The following ABCA12 variants were observed in gnomAD, a reference collection of about 807,000 sequenced individuals.
The protein encoded by ABCA12 is glucosylceramide transporter ABCA12.
Under a neutral mutation model 293.5 loss-of-function variants are expected in ABCA12, and 156 were observed. The observed-to-expected ratio is 0.53, with a 90% CI of 0.47 to 0.61. The LOEUF (loss-of-function observed/expected upper bound fraction) is 0.61. ABCA12 is among the 20% of genes least tolerant of loss of function. The pLI, the probability that ABCA12 is intolerant of heterozygous loss-of-function variation, is 0.00. For missense variants in ABCA12, 2,797 were observed against 3,090.2 expected, an observed-to-expected ratio of 0.91 and a Z score of 2.25; for synonymous variants, 1,063 against 1,108.0, an observed-to-expected ratio of 0.96 and a Z score of 0.81.
chr2:215,109,072 A>T (rs1702519022), intron 2 of ABCA12, among the ~76,000 whole-genome samples: 1 of 152,124 alleles, frequency 6.6e-6, no homozygotes, highest in African/African-American at 2.4e-5. Flanking sequence ...CTCAAAAAAA[A>T]AAAAGGAGGC....
At chr2:215,078,500 T>C (rs1231129179) in intron 2 of ABCA12, among the ~76,000 whole-genome samples, 1 of 152,234 alleles carries the variant, frequency 6.6e-6, no homozygotes, top group Non-Finnish European at 1.5e-5. Context: ...ATTTTGAATC[T>C]TAAAAGTCCC....
At chr2:215,067,937 T>G (rs1354345414) in intron 2 of ABCA12, among the ~76,000 whole-genome samples, 1 of 152,162 alleles carries the variant, frequency 6.6e-6, no homozygotes, top group Non-Finnish European at 1.5e-5. Flanking sequence ...ACAAAAAGAA[T>G]CAGTTCTAAG....
intron 23 of ABCA12, among the ~76,000 whole-genome samples, chr2:214,993,027 G>A (rs536751659): frequency 2.6e-5 from 4 of 151,914 alleles, no homozygotes; most frequent in East Asian, 1.9e-4. Flanking sequence ...TTTGCTCTAC[G>A]AGCAAAATAG....
At chr2:214,934,898 A>T (rs1193032805) in intron 51 of ABCA12, among the ~76,000 whole-genome samples, 1 of 151,700 alleles carries the variant, frequency 6.6e-6, no homozygotes, top group Non-Finnish European at 1.5e-5. Flanking sequence ...CACCAATATG[A>T]TTAACTTGAT....
At chr2:215,091,310 C>T (rs1353604189) in intron 2 of ABCA12, among the ~76,000 whole-genome samples, 1 of 152,150 alleles carries the variant, frequency 6.6e-6, no homozygotes, top group Non-Finnish European at 1.5e-5. Context: ...TCTATCACCT[C>T]CCCTCCTCAC....
chr2:214,947,317 C>T, intron 48 of ABCA12, 105 bp downstream of exon 48: 3 of 1,513,664 alleles, frequency 2.0e-6, no homozygotes, highest in Non-Finnish European at 1.8e-6. Context: ...CATAGTGAGA[C>T]CTCAATAAAT....
intron 23 of ABCA12, among the ~76,000 whole-genome samples, chr2:214,994,280 G>A (rs369736563): frequency 1.5e-4 from 23 of 151,540 alleles, no homozygotes; most frequent in African/African-American, 5.3e-4. Context: ...CAGATGTCAG[G>A]TGCCAGCTTT....
chr2:214,978,762 G>C, intron 32 of ABCA12, 42 bp downstream of exon 32: 5 of 1,586,152 alleles, frequency 3.2e-6, no homozygotes, highest in Non-Finnish European at 4.3e-6. Context: ...GGAACAGCAA[G>C]TTATATCAGC....
At chr2:214,956,838 A>AT in intron 41 of ABCA12, 60 bp from the exon 42 acceptor site, 1 of 1,156,682 alleles carries the variant, frequency 8.6e-7, no homozygotes. Context: ...AAAAAAAAAA[A>AT]TCAATAACCC....
chr2:215,066,123 A>C (rs1184584400), intron 2 of ABCA12, among the ~76,000 whole-genome samples: 3 of 152,080 alleles, frequency 2.0e-5, no homozygotes, highest in Non-Finnish European at 2.9e-5. Flanking sequence ...TCCGAAACAA[A>C]ATTTTACCAC....
At chr2:214,973,664 T>C (rs1012805069) in intron 36 of ABCA12, among the ~76,000 whole-genome samples, 6 of 152,154 alleles carry the variant, frequency 3.9e-5, no homozygotes, top group Admixed American at 3.3e-4. Context: ...GCATAGAGCC[T>C]TCTACTTAGT....
intron 1 of ABCA12, among the ~76,000 whole-genome samples, chr2:215,135,958 T>A (rs748194127): frequency 3.9e-5 from 6 of 152,172 alleles, no homozygotes; most frequent in Non-Finnish European, 8.8e-5. Context: ...CTCAGAATTG[T>A]CCTTCCTTTT....
At chr2:215,126,760 T>C (rs1702932461) in intron 1 of ABCA12, among the ~76,000 whole-genome samples, 1 of 152,166 alleles carries the variant, frequency 6.6e-6, no homozygotes, top group Non-Finnish European at 1.5e-5. Flanking sequence ...TTTTGTTTCA[T>C]TTATCTTTTG....
rs1700962258 is a variant in ABCA12 at position 215,035,046 on chromosome 2, T to A, written c.985+1907A>T. 2.6e-5 allele frequency among the ~76,000 whole-genome samples: 4 copies of A among 152,178 alleles called. 1 individual carries two copies. The South Asian group carries it at 8.3e-4, about 31-fold the overall frequency. On this transcript the variant is annotated intron_variant, in intron 8 of 52. Transcript: ENST00000272895. ...GGTGGCCTGGGTTACGGGGCAGGTATCTGTACTTGGACCAGAGACCCCAGT... is the reference window on the plus strand; with the variant it reads ...GGTGGCCTGGGTTACGGGGCAGGTAACTGTACTTGGACCAGAGACCCCAGT...
At chr2:215,043,431 ATAGCTGCAGAAC>A in intron 7 of ABCA12, among the ~76,000 whole-genome samples, 1 of 151,638 alleles carries the variant, frequency 6.6e-6, no homozygotes, top group South Asian at 2.1e-4. Flanking sequence ...GGGAATTAAA[ATAGCTGCAGAAC>A]TTGGATCAGA....
intron 22 of ABCA12, 50 bp from the exon 23 acceptor site, chr2:214,997,859 T>C: frequency 9.5e-7 from 1 of 1,055,944 alleles, no homozygotes; most frequent in Non-Finnish European, 1.5e-6. Flanking sequence ...ATGAACACCA[T>C]ACTTGCAGAG....
In ABCA12 at chr2:214,968,729, T is replaced by C. The variant is rs1287378934; in HGVS notation, c.5769A>G (p.Thr1923=). The C allele has an allele frequency of 3.1e-6, 5 of 1,613,216 alleles. No homozygotes were observed. Among genetic ancestry groups the C allele is most frequent in the East Asian group, 2.2e-5 (1 of 44,838 alleles). Residue 1923 remains threonine (T), a synonymous_variant, in exon 38 of 53, where the codon ACA becomes ACG. Transcript: ENST00000272895. ...FDITGVPANR[T]LAKVWYDPEG... ...AAAGATCAAAATTTACCTTGGCAAG[T>C]GTTCTATTGGCAGGGACTCCTGTTA... is the stretch of plus-strand genomic sequence containing the variant.
chr2:215,092,455 T>C (rs1024565461), intron 2 of ABCA12, among the ~76,000 whole-genome samples: 3 of 152,120 alleles, frequency 2.0e-5, no homozygotes, highest in African/African-American at 4.8e-5. Flanking sequence ...GTCTTCCTCT[T>C]GTATCCCCCG....
chr2:215,007,631 C>T (rs1048021366), intron 19 of ABCA12, 96 bp downstream of exon 19: 56 of 1,483,586 alleles, frequency 3.8e-5, no homozygotes, highest in East Asian at 6.9e-5. Flanking sequence ...CTGTTGAATA[C>T]GGAAAGTTAC....
Sources: gnomAD v4.1 joint callset for allele counts (sites outside exome capture counted in the v4.1 genomes callset) on GRCh38, gnomAD v4.1.1 for gene constraint, MANE v1.5 for transcripts, NCBI Gene and HGNC (gene_info 2026-07-23, HGNC 2026-07-21) for gene names.